Variants in GAS7 observed in about 807,000 individuals in gnomAD.
GAS7 encodes growth arrest-specific protein 7.
Under a neutral mutation model 71.1 loss-of-function variants are expected in GAS7, and 28 were observed. The ratio of observed to expected loss-of-function variants is 0.39; its 90% CI spans 0.29 to 0.54. GAS7 has a LOEUF of 0.54. Among genes scored for constraint, GAS7 ranks in the 20% least tolerant of loss-of-function variants. The pLI, the probability that GAS7 is intolerant of heterozygous loss-of-function variation, is 0.62. For synonymous variants in GAS7, 258 were observed against 245.8 expected (o/e 1.05, Z -0.46); for missense variants, 436 against 627.8 (o/e 0.69, Z 3.27).
At chr17:9,921,180 G>A (rs1485996687) in intron 11 of GAS7, among the ~76,000 whole-genome samples, 3 of 141,422 alleles carry the variant, frequency 2.1e-5, no homozygotes, top group Admixed American at 1.5e-4. Flanking sequence ...TTTTTGAGAC[G>A]GAGTCTGGCT....
chr17:9,928,203 T>A (rs1252654133), intron 9 of GAS7, among the ~76,000 whole-genome samples: 2 of 151,822 alleles, frequency 1.3e-5, no homozygotes, highest in African/African-American at 2.4e-5. Context: ...AGCCTCGCCT[T>A]CCAGGTTCAC....
intron 2 of GAS7, among the ~76,000 whole-genome samples, chr17:9,990,404 T>G (rs1258188746): frequency 6.6e-6 from 1 of 152,136 alleles, no homozygotes; most frequent in African/African-American, 2.4e-5. Context: ...AGGCAAAGGG[T>G]ACAATGTCTG....
chr17:10,157,534 G>A (rs1243822101), intron 1 of GAS7, among the ~76,000 whole-genome samples: 1 of 152,216 alleles, frequency 6.6e-6, no homozygotes, highest in Admixed American at 6.5e-5. Context: ...TAGAAGATAA[G>A]GCTTTGAGCA....
rs768822259 is a variant in GAS7, at chr17:9,939,367, T to C, written c.806+759A>G. ...GTCCCACTCAAGGAGGTCTGGACAG[T>C]CACAGCATTAGCGGGAAGGGAGCCT... is the stretch of plus-strand genomic sequence containing the variant. On this transcript the variant is annotated intron_variant, in intron 8 of 13. Coordinates refer to ENST00000432992, the MANE Select transcript of GAS7 (RefSeq NM_201433.2). 7.2e-5 allele frequency among the ~76,000 whole-genome samples: 11 copies of C among 152,102 alleles called. 1 individual carries two copies. Among genetic ancestry groups the C allele is most frequent in the Admixed American group, 5.9e-4 (9 of 15,262 alleles).
chr17:10,145,691 A>G (rs1299390217), intron 1 of GAS7, among the ~76,000 whole-genome samples: 1 of 152,222 alleles, frequency 6.6e-6, no homozygotes, highest in Non-Finnish European at 1.5e-5. Context: ...CTGAACGGAC[A>G]GTATAGCTGG....
intron 6 of GAS7, among the ~76,000 whole-genome samples, chr17:9,945,407 TGATGCTTGCTTACCCC>T (rs1325055612): frequency 2.0e-5 from 3 of 151,956 alleles, no homozygotes; most frequent in Non-Finnish European, 2.9e-5. Flanking sequence ...TTACGCACTC[TGATGCTTGCTTACCCC>T]GATGCTTGCT....
In GAS7 at chr17:9,943,108, G is replaced by C. The variant is rs1027163339; in HGVS notation, c.731+13C>G. On this transcript the variant is annotated intron_variant, in intron 7 of 13. Coordinates refer to ENST00000432992, the MANE Select transcript of GAS7 (RefSeq NM_201433.2). ...GTGCCAGGCCCCAGGGCTGGGAGGGGCCCAGGCTTCACCTTTCCCGGATGA... is the reference window on the plus strand; with the variant it reads ...GTGCCAGGCCCCAGGGCTGGGAGGGCCCCAGGCTTCACCTTTCCCGGATGA... 6 of 1,553,278 alleles carry C rather than the reference G, an allele frequency of 3.9e-6. No individual in the cohort carries two copies. The highest frequency in any genetic ancestry group is 5.3e-6 in the Non-Finnish European group (6 of 1,124,712).
At chr17:9,947,056 G>C (rs2068814943) in intron 5 of GAS7, 73 bp from the exon 6 acceptor site, 1 of 995,156 alleles carries the variant, frequency 1.0e-6, no homozygotes, top group African/African-American at 1.6e-5. Context: ...GGCTCCTGGG[G>C]GACACGGCAC....
chr17:9,997,718 G>C (rs1483602045), intron 2 of GAS7, among the ~76,000 whole-genome samples: 1 of 152,246 alleles, frequency 6.6e-6, no homozygotes, highest in Non-Finnish European at 1.5e-5. Flanking sequence ...CTACACATCT[G>C]ACAGATAGGC....
rs1491205139 is a variant in GAS7 at position 10,046,842 on chromosome 17, AAG to A, written c.184-26947_184-26946del. ...GAAGGAAGGAAGGAAGGAAGGAAGG[AAG>A]GAAAGAAAAGAAAAGAAAAAAGAAA... On this transcript the variant is annotated intron_variant, in intron 1 of 13. Coordinates refer to ENST00000432992, the MANE Select transcript of GAS7 (RefSeq NM_201433.2). Among the ~76,000 whole-genome samples, 55 of 129,890 alleles carry A rather than the reference AAG, an allele frequency of 4.2e-4. 3 individuals carry two copies. The highest frequency in any genetic ancestry group is 6.9e-4 in the Non-Finnish European group (43 of 62,768). The allele number at this position is 129,890 out of a possible 152,430, so 85.2% of individuals were successfully genotyped here.
At chr17:10,030,073 C>G (rs1318182436) in intron 1 of GAS7, among the ~76,000 whole-genome samples, 1 of 152,152 alleles carries the variant, frequency 6.6e-6, no homozygotes, top group Non-Finnish European at 1.5e-5. Flanking sequence ...CCTTGCTTCT[C>G]ATGTCCACTC....
chr17:9,978,798 G>A (rs112156902), intron 3 of GAS7, among the ~76,000 whole-genome samples: 1,910 of 152,308 alleles, frequency 0.013, 46 homozygotes, highest in African/African-American at 0.043. Context: ...GACGTAGGGA[G>A]CTGCTGCTTC....
chr17:9,970,225 T>C (rs1033449440), intron 3 of GAS7, among the ~76,000 whole-genome samples: 1 of 152,174 alleles, frequency 6.6e-6, no homozygotes, highest in Admixed American at 6.5e-5. Context: ...AGTGTGAATA[T>C]ACTAGAAAGA....
intron 2 of GAS7, among the ~76,000 whole-genome samples, chr17:9,998,551 G>A (rs1297176626): frequency 1.3e-5 from 2 of 152,112 alleles, no homozygotes; most frequent in African/African-American, 2.4e-5. Flanking sequence ...TAGGTGTCTT[G>A]AGCCCAGGAG....
At chr17:10,078,097 T>G (rs891880601) in intron 1 of GAS7, among the ~76,000 whole-genome samples, 2 of 151,770 alleles carry the variant, frequency 1.3e-5, no homozygotes, top group African/African-American at 4.8e-5. Context: ...TTGTTTTGTT[T>G]TGTTTTGTTT....
At chr17:9,942,744 A>T (rs1038104793) in intron 7 of GAS7, among the ~76,000 whole-genome samples, 13 of 152,154 alleles carry the variant, frequency 8.5e-5, no homozygotes, top group African/African-American at 2.9e-4. Context: ...GGAATGGTGG[A>T]GACTGGCAAA....
intron 1 of GAS7, among the ~76,000 whole-genome samples, chr17:10,107,890 C>T (rs1035048302): frequency 6.0e-5 from 9 of 149,728 alleles, no homozygotes; most frequent in African/African-American, 2.2e-4. Context: ...GGCAGGGGAA[C>T]TGCCTTACAC....
intron 1 of GAS7, among the ~76,000 whole-genome samples, chr17:10,123,538 C>T (rs12936070): frequency 0.28 from 42,562 of 152,160 alleles, 6,296 homozygotes; most frequent in East Asian, 0.56. Context: ...GAGCCTCAGA[C>T]ACAGGCAGGG....
Position 10,026,371 on chromosome 17 carries a change from G to C in GAS7, c.184-6474C>G. The C allele has an allele frequency of 1.2e-6, 1 of 863,114 alleles. No homozygotes were observed. Among genetic ancestry groups the C allele is most frequent in the Non-Finnish European group, 1.4e-6 (1 of 718,172 alleles). The allele number at this position is 863,114 out of a possible 1,614,324, so 53.5% of individuals were successfully genotyped here. On this transcript the variant is annotated intron_variant, in intron 1 of 13. Coordinates refer to ENST00000432992, the MANE Select transcript of GAS7 (RefSeq NM_201433.2). This position sits in a 1 kb window ranked among gnomAD's most constrained non-coding sequence, Gnocchi z 4.5. ...ATCTATATATAACAGCTCTGAAGTT[G>C]TCAGCCTAACGAGCCACTTTCTGGC...
Sources: gnomAD v4.1 joint callset for allele counts (sites outside exome capture counted in the v4.1 genomes callset) on GRCh38, gnomAD v4.1.1 for gene constraint, Gnocchi (gnomAD v3.1) non-coding constraint, MANE v1.5 for transcripts, NCBI Gene and HGNC (gene_info 2026-07-23, HGNC 2026-07-21) for gene names.